Variants in PCDHA3 observed in about 807,000 individuals in gnomAD.
The protein encoded by PCDHA3 is protocadherin alpha-3.
Under a neutral mutation model 62.2 loss-of-function variants are expected in PCDHA3, and 41 were observed. That is an observed-to-expected ratio of 0.66 (90% confidence interval 0.51 to 0.86). The LOEUF is 0.86. Among genes scored for constraint, PCDHA3 ranks in the 40% least tolerant of loss-of-function variants. The pLI is 0.00. For synonymous variants in PCDHA3, 640 were observed against 555.4 expected, an observed-to-expected ratio of 1.15 and a Z score of -2.14; for missense variants, 1,304 against 1,241.2, an observed-to-expected ratio of 1.05 and a Z score of -0.76.
intron 3 of PCDHA3, among the ~76,000 whole-genome samples, chr5:140,986,421 C>T (rs1554248030): frequency 6.6e-6 from 1 of 152,178 alleles, no homozygotes; most frequent in Non-Finnish European, 1.5e-5. Flanking sequence ...CTCTTTTTAA[C>T]TTCATGAGTA....
chr5:140,854,987 T>C (rs1220578373), intron 1 of PCDHA3, among the ~76,000 whole-genome samples: 1 of 149,970 alleles, frequency 6.7e-6, no homozygotes, highest in Admixed American at 6.7e-5. Context: ...TAAGATTCTT[T>C]TTGCCCGTGT....
At chr5:140,956,200 GA>G (rs1385482287) in intron 1 of PCDHA3, among the ~76,000 whole-genome samples, 1 of 152,152 alleles carries the variant, frequency 6.6e-6, no homozygotes, top group Non-Finnish European at 1.5e-5. Flanking sequence ...TAGGAGTGGT[GA>G]AAGAGGGCAT....
intron 2 of PCDHA3, among the ~76,000 whole-genome samples, chr5:140,980,478 A>G (rs1186753725): frequency 2.6e-5 from 4 of 152,172 alleles, no homozygotes; most frequent in African/African-American, 4.8e-5. Context: ...AAAAATACAA[A>G]AATTAGCTGG....
rs1330292023 is a variant in PCDHA3, at chr5:140,830,082, C to A, written c.2394+26491C>A. 1.2e-5 allele frequency: 19 copies of A among 1,613,566 alleles called. No homozygotes were observed. Among genetic ancestry groups the A allele is most frequent in the Non-Finnish European group, 1.5e-5 (18 of 1,179,846 alleles). On this transcript the variant is annotated intron_variant, in intron 1 of 3. Transcript: ENST00000522353. ...GAGCCGGCGCTGACAGCGACGGCCACGGTTCTGGTGTCGCTGGTGGAGAGT... is the reference window on the plus strand; with the variant it reads ...GAGCCGGCGCTGACAGCGACGGCCAAGGTTCTGGTGTCGCTGGTGGAGAGT...
chr5:140,804,936 G>T, intron 1 of PCDHA3: 2 of 1,156,586 alleles, frequency 1.7e-6, no homozygotes, highest in South Asian at 2.0e-5. Context: ...ACTATCCTTT[G>T]TTGCTCCCTT....
At chr5:140,943,405 A>G (rs1030211474) in intron 1 of PCDHA3, among the ~76,000 whole-genome samples, 2 of 152,164 alleles carry the variant, frequency 1.3e-5, no homozygotes, top group Non-Finnish European at 2.9e-5. Flanking sequence ...ATTTAAATTC[A>G]GACTAGAGGC....
intron 1 of PCDHA3, among the ~76,000 whole-genome samples, chr5:140,889,237 A>C (rs1181963973): frequency 6.6e-6 from 1 of 151,844 alleles, no homozygotes; most frequent in Non-Finnish European, 1.5e-5. Context: ...AACTTCCAGA[A>C]AATTTTCTGT....
chr5:140,883,787 T>C (rs2059820580), intron 1 of PCDHA3: 2 of 1,612,408 alleles, frequency 1.2e-6, no homozygotes, highest in Non-Finnish European at 1.7e-6. Context: ...GCTGTCGAGC[T>C]ACGTGTCGGT....
At chr5:140,978,913 T>C in intron 1 of PCDHA3, 36 bp from the exon 2 acceptor site, 1 of 1,613,902 alleles carries the variant, frequency 6.2e-7, no homozygotes, top group Non-Finnish European at 8.5e-7. Flanking sequence ...CATTGTCTTG[T>C]CATTTTAACA....
chr5:140,971,161 C>T (rs189213416), intron 1 of PCDHA3, among the ~76,000 whole-genome samples: 1 of 152,292 alleles, frequency 6.6e-6, no homozygotes, highest in Non-Finnish European at 1.5e-5. Flanking sequence ...CCAGGCTCAG[C>T]TTTGCCACCA....
intron 1 of PCDHA3, among the ~76,000 whole-genome samples, chr5:140,915,139 G>C (rs2153533338): frequency 6.6e-6 from 1 of 151,944 alleles, no homozygotes; most frequent in Non-Finnish European, 1.5e-5. Flanking sequence ...AGTAGAGACG[G>C]GGTTTCACCA....
intron 1 of PCDHA3, among the ~76,000 whole-genome samples, chr5:140,873,602 C>T (rs1554166789): frequency 6.6e-6 from 1 of 152,118 alleles, no homozygotes; most frequent in African/African-American, 2.4e-5. Flanking sequence ...TTAGATGTTC[C>T]TATTGGCTTA....
chr5:140,966,726 C>T, intron 1 of PCDHA3: 3 of 1,402,206 alleles, frequency 2.1e-6, no homozygotes, highest in Non-Finnish European at 1.8e-6. Flanking sequence ...GAAGCTGCCG[C>T]CTCCGGCCCT....
chr5:140,803,891 CATT>C (rs1337412917), intron 1 of PCDHA3: 4 of 535,890 alleles, frequency 7.5e-6, no homozygotes, highest in Non-Finnish European at 1.3e-5. Context: ...AGATGAATTG[CATT>C]ATTTAGAGAA....
rs1554145927 is a variant in PCDHA3, at chr5:140,852,587, T to TA, written c.2394+48996_2394+48997insA. ...CACTGTGCCAAGGCTTTTTTATTTT[T>TA]TTTTTTTGTCATTTTCTTTCAAAAC... On this transcript the variant is annotated intron_variant, in intron 1 of 3. Coordinates refer to ENST00000522353, the MANE Select transcript of PCDHA3 (RefSeq NM_018906.3). 484 of 881,862 alleles carry TA rather than the reference T, an allele frequency of 5.5e-4. 26 individuals are homozygous for TA. Among genetic ancestry groups the TA allele is most frequent in the African/African-American group, 4.5e-3 (245 of 54,698 alleles). 54.6% of individuals were successfully genotyped at this position (881,862 alleles called of 1,614,324 possible). A position where few individuals can be genotyped will look rare whatever the true frequency, so the allele number is the denominator to read the frequency against.
intron 1 of PCDHA3, chr5:140,850,406 G>A (rs1200115176): frequency 1.9e-6 from 3 of 1,597,826 alleles, no homozygotes; most frequent in African/African-American, 1.3e-5. Flanking sequence ...CGCGTGCCCT[G>A]GACGAAACGG....
intron 1 of PCDHA3, among the ~76,000 whole-genome samples, chr5:140,826,731 T>C (rs1236287706): frequency 6.6e-6 from 1 of 152,180 alleles, no homozygotes; most frequent in Non-Finnish European, 1.5e-5. Flanking sequence ...GAGCAAGTGG[T>C]CTATATTGTC....
intron 1 of PCDHA3, chr5:140,827,943 A>G (rs1212909516): frequency 3.0e-5 from 36 of 1,183,776 alleles, no homozygotes; most frequent in Non-Finnish European, 3.8e-5. Context: ...TAGCTAGCCA[A>G]CATTCAAATT....
intron 1 of PCDHA3, chr5:140,883,651 G>T: frequency 6.2e-7 from 1 of 1,613,652 alleles, no homozygotes. Context: ...CCGAGTACAC[G>T]GTGTTCGTGA....
Sources: allele counts gnomAD v4.1 joint callset (sites outside exome capture counted in the v4.1 genomes callset), GRCh38; gene constraint gnomAD v4.1.1; transcripts MANE v1.5; gene names NCBI Gene and HGNC (gene_info 2026-07-23, HGNC 2026-07-21).